FAM193A: variants seen among roughly 807,000 people sequenced by gnomAD.
FAM193A encodes the protein family with sequence similarity 193 member A, also known as protein FAM193A.
A neutral mutation model predicts 126.5 loss-of-function variants in FAM193A; 22 were observed. The observed-to-expected ratio is 0.17, with a 90% CI of 0.12 to 0.25. FAM193A has a LOEUF of 0.25. Ranked by LOEUF, FAM193A falls within the 10% of genes least tolerant of loss-of-function variation. The pLI, the probability that FAM193A is intolerant of heterozygous loss-of-function variation, is 1.00. For synonymous variants in FAM193A, 761 were observed against 646.8 expected (o/e 1.18, Z -2.68); for missense variants, 1,675 against 1,672.8 (o/e 1.00, Z -0.02).
intron 2 of FAM193A, among the ~76,000 whole-genome samples, chr4:2,622,518 G>C (rs1406264586): frequency 6.6e-6 from 1 of 152,202 alleles, no homozygotes; most frequent in Non-Finnish European, 1.5e-5. Context: ...GGGTGGCCCA[G>C]TGGTTGCTGG....
intron 13 of FAM193A, 131 bp from the exon 14 acceptor site, chr4:2,689,375 T>A: frequency 6.8e-6 from 4 of 587,156 alleles, no homozygotes; most frequent in East Asian, 3.5e-5. Flanking sequence ...GTGCTCCCCC[T>A]GGGCTGAGCT....
chr4:2,649,038 T>A (rs1745408846), intron 7 of FAM193A, among the ~76,000 whole-genome samples: 1 of 152,196 alleles, frequency 6.6e-6, no homozygotes, highest in African/African-American at 2.4e-5. Flanking sequence ...TAGTGTTGTG[T>A]GAGCTTTTAA....
intron 1 of FAM193A, among the ~76,000 whole-genome samples, chr4:2,553,250 G>A (rs1410863557): frequency 6.6e-6 from 1 of 152,140 alleles, no homozygotes; most frequent in African/African-American, 2.4e-5. Context: ...GACCACTTGA[G>A]CTCAGGGGTT....
intron 19 of FAM193A, chr4:2,708,174 G>A (rs749038793): frequency 1.6e-5 from 7 of 449,782 alleles, no homozygotes; most frequent in African/African-American, 1.2e-4. Flanking sequence ...TGCCCAGTCT[G>A]GGGTACAATG....
chr4:2,538,484 C>G (rs186487899), intron 1 of FAM193A, among the ~76,000 whole-genome samples: 1 of 152,068 alleles, frequency 6.6e-6, no homozygotes, highest in East Asian at 1.9e-4. Flanking sequence ...TGAGCCACCG[C>G]GCCCGGCCGT....
intron 7 of FAM193A, among the ~76,000 whole-genome samples, chr4:2,650,502 C>T (rs1044882590): frequency 3.9e-5 from 6 of 152,266 alleles, no homozygotes; most frequent in South Asian, 2.1e-4. Flanking sequence ...CTCACGGGTG[C>T]GGTAGGGGAA....
chr4:2,569,638 CAG>C (rs1739177747), intron 1 of FAM193A, among the ~76,000 whole-genome samples: 1 of 151,966 alleles, frequency 6.6e-6, no homozygotes, highest in South Asian at 2.1e-4. Context: ...GCTGGGACCA[CAG>C]GCATGCACCA....
intron 1 of FAM193A, among the ~76,000 whole-genome samples, chr4:2,556,757 G>C (rs1039899428): frequency 1.3e-5 from 2 of 152,168 alleles, no homozygotes; most frequent in African/African-American, 4.8e-5. Flanking sequence ...ATTACTGCTT[G>C]TTGTTTTCTT....
chr4:2,680,187 C>T (rs1488742118), intron 13 of FAM193A, among the ~76,000 whole-genome samples: 1 of 152,080 alleles, frequency 6.6e-6, no homozygotes, highest in East Asian at 1.9e-4. Flanking sequence ...ATTACCAGTT[C>T]AATCTCCTTA....
chr4:2,720,840 A>G (rs965230512), intron 20 of FAM193A, among the ~76,000 whole-genome samples: 5 of 152,186 alleles, frequency 3.3e-5, no homozygotes, highest in Non-Finnish European at 7.3e-5. Flanking sequence ...TCTAAATCAC[A>G]GAGATTCATT....
chr4:2,550,869 C>T (rs1211504390), intron 1 of FAM193A, among the ~76,000 whole-genome samples: 1 of 151,106 alleles, frequency 6.6e-6, no homozygotes, highest in African/African-American at 2.4e-5. Flanking sequence ...GGCGCCATCT[C>T]GGCTCACTGC....
rs544749671 is a variant in FAM193A, at chr4:2,590,697, A to G, written c.256-5387A>G. Among the ~76,000 whole-genome samples, 33 of 151,896 alleles carry G rather than the reference A, an allele frequency of 2.2e-4. No homozygotes were observed. The East Asian group carries it at 6.4e-3, about 30-fold the overall frequency. ...TGGGAAGATGGACATGTGAAAGATA[A>G]TTTTGTAGTATAATGAATATATGAT... On this transcript the variant is annotated intron_variant, in intron 1 of 20. Transcript: ENST00000637812.
intron 2 of FAM193A, among the ~76,000 whole-genome samples, chr4:2,611,884 C>T (rs960727683): frequency 1.7e-4 from 25 of 149,982 alleles, no homozygotes; most frequent in African/African-American, 6.2e-4. Flanking sequence ...TTGTCCAGGC[C>T]GGAGTGCAGT....
At position 2,621,993 on chromosome 4, in the gene FAM193A, G is replaced by T. The variant is rs760416036; in HGVS notation, c.502-3269G>T. On this transcript the variant is annotated intron_variant, in intron 2 of 20. Coordinates refer to ENST00000637812, the MANE Select transcript of FAM193A (RefSeq NM_001366318.2). Reference sequence around the variant, plus strand: ...AATGTGGCTTAGTGTGGTGGCTCACGCCTGTAATCCCAGCACTTTGGGAAA... The same window carrying T: ...AATGTGGCTTAGTGTGGTGGCTCACTCCTGTAATCCCAGCACTTTGGGAAA... 3.9e-5 allele frequency among the ~76,000 whole-genome samples: 6 copies of T among 152,192 alleles called. No individual in the cohort carries two copies. The East Asian group carries it at 7.7e-4, about 20-fold the overall frequency.
chr4:2,654,939 G>A, intron 7 of FAM193A: 1 of 493,486 alleles, frequency 2.0e-6, no homozygotes, highest in Non-Finnish European at 3.7e-6. Flanking sequence ...ATTAACTCTT[G>A]TAGTTTTTGA....
intron 2 of FAM193A, among the ~76,000 whole-genome samples, chr4:2,597,184 C>G (rs930106002): frequency 6.6e-6 from 1 of 152,130 alleles, no homozygotes; most frequent in Non-Finnish European, 1.5e-5. Flanking sequence ...CTTTCTCACT[C>G]GGCCCCTCCC....
At chr4:2,556,098 G>C (rs553736425) in intron 1 of FAM193A, among the ~76,000 whole-genome samples, 1 of 151,836 alleles carries the variant, frequency 6.6e-6, no homozygotes, top group African/African-American at 2.4e-5. Flanking sequence ...GTTTCACCAT[G>C]TTGGTCGGGC....
chr4:2,731,284 C>T (rs1721360896), intron 20 of FAM193A, among the ~76,000 whole-genome samples: 1 of 148,706 alleles, frequency 6.7e-6, no homozygotes, highest in Admixed American at 6.7e-5. Flanking sequence ...CAGAGAATTG[C>T]TTGAACCTTG....
At chr4:2,667,711 G>A (rs767771550) in intron 12 of FAM193A, among the ~76,000 whole-genome samples, 89 of 151,604 alleles carry the variant, frequency 5.9e-4, no homozygotes, top group Non-Finnish European at 1.1e-3. Flanking sequence ...CTTTTAGTTG[G>A]GCCTTGCATT....
Sources: allele counts gnomAD v4.1 joint callset (sites outside exome capture counted in the v4.1 genomes callset), GRCh38; gene constraint gnomAD v4.1.1; transcripts MANE v1.5; gene names NCBI Gene and HGNC (gene_info 2026-07-23, HGNC 2026-07-21).